The following NLK variants were observed in gnomAD, a reference collection of about 807,000 sequenced individuals.
NLK encodes the protein nemo like kinase.
In NLK, 11 loss-of-function variants were observed where a neutral mutation model predicts 59.0. That is an observed-to-expected ratio of 0.19 (90% CI 0.12 to 0.31). The LOEUF (loss-of-function observed/expected upper bound fraction) is 0.31. Among genes scored for constraint, NLK ranks in the 10% least tolerant of loss-of-function variants. The pLI is 1.00. For synonymous variants in NLK, 235 were observed against 235.9 expected, an observed-to-expected ratio of 1.00 and a Z score of 0.03; for missense variants, 410 against 661.1, an observed-to-expected ratio of 0.62 and a Z score of 4.16.
intron 10 of NLK, among the ~76,000 whole-genome samples, chr17:28,193,034 T>G (rs1158291832): frequency 6.6e-6 from 1 of 152,230 alleles, no homozygotes; most frequent in East Asian, 1.9e-4. Context: ...TCTCTTGATT[T>G]CTTTTTCCTT....
At chr17:28,184,245 A>G (rs759477295) in intron 7 of NLK, among the ~76,000 whole-genome samples, 3 of 152,242 alleles carry the variant, frequency 2.0e-5, no homozygotes, top group Non-Finnish European at 4.4e-5. Flanking sequence ...CTTTAGGACT[A>G]ATATCTCAGC....
chr17:28,142,423 G>T (rs989374897), intron 3 of NLK, among the ~76,000 whole-genome samples: 5 of 152,178 alleles, frequency 3.3e-5, no homozygotes, highest in African/African-American at 9.7e-5. Context: ...TTCAGAAAAG[G>T]TCAGTGATTC....
chr17:28,061,332 A>T (rs1292479912), intron 1 of NLK, among the ~76,000 whole-genome samples: 1 of 152,252 alleles, frequency 6.6e-6, no homozygotes, highest in Non-Finnish European at 1.5e-5. Context: ...ATGGTCTTGA[A>T]CGAACCCAGA....
intron 1 of NLK, among the ~76,000 whole-genome samples, chr17:28,073,150 A>C (rs901427313): frequency 6.6e-6 from 1 of 152,190 alleles, no homozygotes; most frequent in Non-Finnish European, 1.5e-5. Flanking sequence ...AGACTTACTA[A>C]GAATTCACAG....
At chr17:28,089,764 G>A (rs1904418464) in intron 1 of NLK, among the ~76,000 whole-genome samples, 1 of 152,134 alleles carries the variant, frequency 6.6e-6, no homozygotes, top group South Asian at 2.1e-4. Context: ...ATATTTTAAT[G>A]TGTGTGTAGT....
At chr17:28,053,592 T>C (rs1296359600) in intron 1 of NLK, among the ~76,000 whole-genome samples, 4 of 152,214 alleles carry the variant, frequency 2.6e-5, no homozygotes, top group African/African-American at 9.7e-5. Flanking sequence ...GGCAGCAGAC[T>C]TCTTACAGGG....
chr17:28,131,578 C>A (rs998752716), intron 2 of NLK, among the ~76,000 whole-genome samples: 1 of 94,504 alleles, frequency 1.1e-5, no homozygotes, highest in Non-Finnish European at 1.9e-5. Context: ...GTTTGAAGTT[C>A]TCTGTAGTAA....
intron 1 of NLK, among the ~76,000 whole-genome samples, chr17:28,111,896 G>GTGGTGTGT (rs1394476582): frequency 1.8e-3 from 124 of 67,538 alleles, no homozygotes; most frequent in African/African-American, 2.1e-3. Flanking sequence ...GTGTGTGTGT[G>GTGGTGTGT]GTGTGTGTGT....
chr17:28,185,408 T>C (rs1319702029), intron 8 of NLK, 143 bp downstream of exon 8: 2 of 544,202 alleles, frequency 3.7e-6, no homozygotes, highest in African/African-American at 1.9e-5. Flanking sequence ...ATGTGTATCA[T>C]GCACGCTCAT....
chr17:28,092,945 GC>G (rs967660061), intron 1 of NLK, among the ~76,000 whole-genome samples: 89 of 152,014 alleles, frequency 5.9e-4, no homozygotes, highest in African/African-American at 2.1e-3. Flanking sequence ...ACAGGCATGT[GC>G]CACCAAGCCC....
At position 28,118,688 on chromosome 17, in the gene NLK, T is replaced by C. The variant is rs78041158; in HGVS notation, c.459-3915T>C. Among the ~76,000 whole-genome samples, 58 of 152,340 alleles carry C rather than the reference T, an allele frequency of 3.8e-4. No individual in the cohort carries two copies. In the East Asian group the frequency reaches 9.8e-3, roughly 26 times the overall value. ...ATCTAAAATGCTTCCTGTTTTGTTA[T>C]TGTACTCTTTTGATCAACTCTGTAT... On this transcript the variant is annotated intron_variant, in intron 1 of 10. Transcript: ENST00000407008.
intron 1 of NLK, among the ~76,000 whole-genome samples, chr17:28,103,921 T>C (rs1162202476): frequency 2.0e-5 from 3 of 152,254 alleles, no homozygotes; most frequent in Admixed American, 6.5e-5. Flanking sequence ...TATTATTTAA[T>C]AAATGAAACA....
intron 7 of NLK, among the ~76,000 whole-genome samples, chr17:28,179,872 G>GTTTTTTTTTTTTTTTTTTTTTTT (rs34411493): frequency 1.0e-4 from 8 of 79,434 alleles, no homozygotes; most frequent in Admixed American, 3.1e-4. Flanking sequence ...AGCATTCTTG[G>GTTTTTTTTTTTTTTTTTTTTTTT]TTTTTTTTTT....
chr17:28,093,738 G>A (rs1904596546), intron 1 of NLK, among the ~76,000 whole-genome samples: 1 of 152,216 alleles, frequency 6.6e-6, no homozygotes, highest in Non-Finnish European at 1.5e-5. Context: ...ACTTCTCTGT[G>A]CATTAGTTTC....
chr17:28,202,021 G>GA, the NLK span, among the ~76,000 whole-genome samples: 19 of 148,782 alleles, frequency 1.3e-4, no homozygotes, highest in Admixed American at 2.7e-4. Flanking sequence ...GTCTCAAAAG[G>GA]AAAAAAAAAG....
chr17:28,168,019 A>G (rs1908309684), intron 5 of NLK, among the ~76,000 whole-genome samples: 1 of 151,880 alleles, frequency 6.6e-6, no homozygotes, highest in Admixed American at 6.6e-5. Flanking sequence ...TACTATACCT[A>G]TATCATTAAA....
At chr17:28,194,436 G>A (rs908217093) in intron 10 of NLK, 146 bp from the exon 11 acceptor site, 1 of 598,474 alleles carries the variant, frequency 1.7e-6, no homozygotes, top group African/African-American at 1.8e-5. Context: ...AAGCAACTTA[G>A]AATAAATTCA....
chr17:28,116,854 T>C (rs989467911), intron 1 of NLK, among the ~76,000 whole-genome samples: 4 of 152,242 alleles, frequency 2.6e-5, no homozygotes, highest in African/African-American at 9.6e-5. Flanking sequence ...GTGTGACATA[T>C]TTTCAGTTTT....
intron 1 of NLK, among the ~76,000 whole-genome samples, chr17:28,068,816 C>A (rs531450770): frequency 3.9e-5 from 6 of 152,080 alleles, no homozygotes; most frequent in Non-Finnish European, 7.4e-5. Context: ...GTAGCTGGGA[C>A]TATAGGCATG....
Sources: allele counts gnomAD v4.1 joint callset (sites outside exome capture counted in the v4.1 genomes callset), GRCh38; gene constraint gnomAD v4.1.1; transcripts MANE v1.5; gene names NCBI Gene and HGNC (gene_info 2026-07-23, HGNC 2026-07-21).